The following ROBO2 variants were observed in gnomAD, a reference collection of about 807,000 sequenced individuals.
The protein encoded by ROBO2 is roundabout guidance receptor 2, also known as roundabout homolog 2.
In ROBO2, 53 loss-of-function variants were observed where a neutral mutation model predicts 160.8. The ratio of observed to expected loss-of-function variants is 0.33; its 90% confidence interval spans 0.26 to 0.41. The LOEUF is 0.41. Ranked by LOEUF, ROBO2 falls within the 10% of genes least tolerant of loss-of-function variation. The probability of loss-of-function intolerance (pLI) is 1.00; values close to 1 mark genes in which losing one functional copy is unlikely to be tolerated. For synonymous variants in ROBO2, 664 were observed against 611.7 expected, an observed-to-expected ratio of 1.09 and a Z score of -1.26; for missense variants, 1,577 against 1,722.4, an observed-to-expected ratio of 0.92 and a Z score of 1.49.
intron 2 of ROBO2, among the ~76,000 whole-genome samples, chr3:76,625,923 T>TAAGGGCA (rs2089610923): frequency 6.6e-6 from 1 of 151,942 alleles, no homozygotes; most frequent in Non-Finnish European, 1.5e-5. Context: ...GAGTGAAGGG[T>TAAGGGCA]AAGGGCAAAG....
intron 2 of ROBO2, among the ~76,000 whole-genome samples, chr3:76,019,118 T>A (rs1300073657): frequency 6.6e-6 from 1 of 151,748 alleles, no homozygotes; most frequent in African/African-American, 2.4e-5. Flanking sequence ...TATCTGCGAA[T>A]ACTGTGTATT....
At chr3:77,028,778 G>A (rs1484098520) in intron 2 of ROBO2, among the ~76,000 whole-genome samples, 1 of 152,116 alleles carries the variant, frequency 6.6e-6, no homozygotes, top group Non-Finnish European at 1.5e-5. Context: ...ATGCACACAG[G>A]ACTTTTCACT....
intron 2 of ROBO2, among the ~76,000 whole-genome samples, chr3:76,045,895 A>G (rs1474174028): frequency 6.6e-6 from 1 of 150,920 alleles, no homozygotes; most frequent in African/African-American, 2.5e-5. Flanking sequence ...TTTATTTTTT[A>G]TTTATTTATT....
At chr3:76,321,178 T>C (rs1416101697) in intron 2 of ROBO2, among the ~76,000 whole-genome samples, 1 of 151,988 alleles carries the variant, frequency 6.6e-6, no homozygotes, top group African/African-American at 2.4e-5. Context: ...AAAAGGAAAA[T>C]ATATTTCAAA....
intron 2 of ROBO2, among the ~76,000 whole-genome samples, chr3:76,479,191 G>C (rs1195520828): frequency 1.3e-5 from 2 of 152,134 alleles, no homozygotes; most frequent in Non-Finnish European, 2.9e-5. Flanking sequence ...AAGCAAAGTA[G>C]GTTTGTTAAT....
intron 2 of ROBO2, among the ~76,000 whole-genome samples, chr3:77,366,893 A>ACCG (rs1553924924): frequency 2.1e-5 from 3 of 141,330 alleles, no homozygotes; most frequent in Non-Finnish European, 3.1e-5. Flanking sequence ...CTCTCACAGC[A>ACCG]CCCCCCCGAC....
At chr3:77,323,662 T>C (rs2065053701) in intron 2 of ROBO2, among the ~76,000 whole-genome samples, 9 of 152,100 alleles carry the variant, frequency 5.9e-5, no homozygotes, top group Admixed American at 5.9e-4. Context: ...AAATGGGCAA[T>C]GTTATTCTTG....
At chr3:76,035,112 T>C (rs1238317068) in intron 2 of ROBO2, among the ~76,000 whole-genome samples, 1 of 152,066 alleles carries the variant, frequency 6.6e-6, no homozygotes, top group Non-Finnish European at 1.5e-5. Context: ...ATATGTTTTA[T>C]CTTTGAAGCT....
intron 2 of ROBO2, among the ~76,000 whole-genome samples, chr3:76,630,269 C>G (rs1045616587): frequency 6.6e-6 from 1 of 152,066 alleles, no homozygotes; most frequent in Non-Finnish European, 1.5e-5. Context: ...TGTGTGTGAG[C>G]GTGCCCTGCA....
chr3:77,447,745 A>G (rs1436276415), intron 2 of ROBO2, among the ~76,000 whole-genome samples: 1 of 152,152 alleles, frequency 6.6e-6, no homozygotes, highest in Non-Finnish European at 1.5e-5. Flanking sequence ...ACGTTGACTA[A>G]TTAAAAAGTT....
chr3:77,220,533 T>C (rs1013791421), intron 2 of ROBO2, among the ~76,000 whole-genome samples: 10 of 152,214 alleles, frequency 6.6e-5, no homozygotes, highest in Non-Finnish European at 1.5e-4. Flanking sequence ...TTATAATCTC[T>C]ATTATTTTAA....
At chr3:77,332,137 A>T (rs1002871245) in intron 2 of ROBO2, among the ~76,000 whole-genome samples, 11 of 152,272 alleles carry the variant, frequency 7.2e-5, no homozygotes, top group African/African-American at 2.2e-4. Context: ...GTCTATTCAG[A>T]TAACGATTCT....
intron 2 of ROBO2, among the ~76,000 whole-genome samples, chr3:76,097,621 TAAAC>T (rs1185482979): frequency 1.3e-5 from 2 of 152,036 alleles, no homozygotes; most frequent in Admixed American, 6.6e-5. Flanking sequence ...GAAATTAAAA[TAAAC>T]AAAAATTAAC....
At chr3:76,862,841 C>G (rs2070941893) in intron 2 of ROBO2, among the ~76,000 whole-genome samples, 1 of 151,994 alleles carries the variant, frequency 6.6e-6, no homozygotes, top group Admixed American at 6.6e-5. Context: ...AATTAGTGGC[C>G]TCTAATATCT....
intron 24 of ROBO2, among the ~76,000 whole-genome samples, chr3:77,636,519 G>C (rs1272353534): frequency 6.6e-6 from 1 of 151,964 alleles, no homozygotes. Flanking sequence ...TTGAACCAGG[G>C]AGTCAGAGGT....
intron 2 of ROBO2, among the ~76,000 whole-genome samples, chr3:76,083,373 G>A (rs532392543): frequency 6.6e-6 from 1 of 152,074 alleles, no homozygotes; most frequent in Non-Finnish European, 1.5e-5. Context: ...TTTAAAATGA[G>A]AGTTAAGGTT....
At chr3:76,200,446 A>G (rs1029721408) in intron 2 of ROBO2, among the ~76,000 whole-genome samples, 2 of 152,166 alleles carry the variant, frequency 1.3e-5, no homozygotes, top group African/African-American at 4.8e-5. Context: ...TCCTGAATCC[A>G]CTGGTTCTCA....
At chr3:76,809,965 A>T (rs1260362412) in intron 2 of ROBO2, among the ~76,000 whole-genome samples, 1 of 152,090 alleles carries the variant, frequency 6.6e-6, no homozygotes, top group Non-Finnish European at 1.5e-5. Context: ...ATAGGAAGAA[A>T]AGGTTGTATT....
chr3:75,936,531 C>A (rs796156696), intron 1 of ROBO2, among the ~76,000 whole-genome samples: 2 of 152,026 alleles, frequency 1.3e-5, no homozygotes, highest in African/African-American at 4.8e-5. Context: ...CATTCTTATG[C>A]ATTATTATAC....
Sources: allele counts gnomAD v4.1 joint callset (sites outside exome capture counted in the v4.1 genomes callset), GRCh38; gene constraint gnomAD v4.1.1; transcripts MANE v1.5; gene names NCBI Gene and HGNC (gene_info 2026-07-23, HGNC 2026-07-21).